Variants in NFIB observed in about 807,000 individuals in gnomAD.
The protein encoded by NFIB is nuclear factor I B, also known as nuclear factor 1 B-type.
A neutral mutation model predicts 61.5 loss-of-function variants in NFIB; 11 were observed. The ratio of observed to expected loss-of-function variants is 0.18; its 90% CI spans 0.11 to 0.30. The LOEUF is 0.30. NFIB is among the 10% of genes least tolerant of loss of function. The pLI is 1.00. For missense variants in NFIB, 471 were observed against 608.9 expected, an observed-to-expected ratio of 0.77 and a Z score of 2.38; for synonymous variants, 260 against 216.5, an observed-to-expected ratio of 1.20 and a Z score of -1.76.
At chr9:14,465,138 G>T in the NFIB span, among the ~76,000 whole-genome samples, 1 of 152,144 alleles carries the variant, frequency 6.6e-6, no homozygotes, top group African/African-American at 2.4e-5. Context: ...GACCATGCAA[G>T]ATTTGCTCTC....
At chr9:14,323,931 G>C (rs1315017250) in intron 1 of NFIB, among the ~76,000 whole-genome samples, 1 of 152,160 alleles carries the variant, frequency 6.6e-6, no homozygotes, top group Admixed American at 6.5e-5. Context: ...AAGTGGGATT[G>C]GCCCAATTAG....
At chr9:14,323,475 TAAAAG>T (rs1194396500) in intron 1 of NFIB, among the ~76,000 whole-genome samples, 3 of 152,204 alleles carry the variant, frequency 2.0e-5, no homozygotes, top group African/African-American at 7.2e-5. Flanking sequence ...ATACAAGTAT[TAAAAG>T]TAAAAATATA....
At chr9:14,471,517 C>T in the NFIB span, among the ~76,000 whole-genome samples, 2 of 152,184 alleles carry the variant, frequency 1.3e-5, no homozygotes, top group African/African-American at 4.8e-5. Context: ...ATTTGTTTCC[C>T]AATAACCAAG....
At chr9:14,456,469 A>G in the NFIB span, among the ~76,000 whole-genome samples, 1 of 152,170 alleles carries the variant, frequency 6.6e-6, no homozygotes, top group African/African-American at 2.4e-5. Context: ...CTAATATCCA[A>G]AGAACTTCTA....
chr9:14,371,144 C>G (rs562290377), intron 1 of NFIB, among the ~76,000 whole-genome samples: 3 of 151,176 alleles, frequency 2.0e-5, no homozygotes, highest in African/African-American at 7.3e-5. Context: ...CAAACAAAAA[C>G]ACACACACAC....
the NFIB span, among the ~76,000 whole-genome samples, chr9:14,481,730 C>T: frequency 1.3e-5 from 2 of 152,068 alleles, no homozygotes; most frequent in African/African-American, 4.8e-5. Context: ...GAAAGTTAAA[C>T]CTGCTAACAT....
At chr9:14,165,056 G>T (rs761610419) in intron 3 of NFIB, among the ~76,000 whole-genome samples, 2 of 152,114 alleles carry the variant, frequency 1.3e-5, no homozygotes, top group Non-Finnish European at 1.5e-5. Context: ...AGCTTAATGA[G>T]ATCTGCAGGT....
intron 1 of NFIB, among the ~76,000 whole-genome samples, chr9:14,350,503 C>A (rs1268501843): frequency 7.1e-6 from 1 of 139,888 alleles, no homozygotes; most frequent in Admixed American, 7.1e-5. Flanking sequence ...GGGCGAAAGA[C>A]CTGGGTGGGG....
intron 2 of NFIB, among the ~76,000 whole-genome samples, chr9:14,283,050 T>C (rs2058483676): frequency 6.6e-6 from 1 of 152,224 alleles, no homozygotes; most frequent in African/African-American, 2.4e-5. Flanking sequence ...ACTATCATCT[T>C]AGAACTACTC....
chr9:14,246,916 G>C (rs2054996559), intron 2 of NFIB, among the ~76,000 whole-genome samples: 1 of 152,178 alleles, frequency 6.6e-6, no homozygotes, highest in Non-Finnish European at 1.5e-5. Context: ...TTGAAGGCCT[G>C]TTAAAACGGG....
intron 1 of NFIB, among the ~76,000 whole-genome samples, chr9:14,368,187 A>C (rs2061323429): frequency 6.6e-6 from 1 of 151,562 alleles, no homozygotes; most frequent in African/African-American, 2.4e-5. Flanking sequence ...GAGGGAAACA[A>C]GTGGCTGGAT....
At chr9:14,304,226 G>C (rs760978148) in intron 2 of NFIB, among the ~76,000 whole-genome samples, 2 of 152,198 alleles carry the variant, frequency 1.3e-5, no homozygotes, top group African/African-American at 4.8e-5. Context: ...AGGCTGCTGG[G>C]CATGAAGAAG....
intron 1 of NFIB, among the ~76,000 whole-genome samples, chr9:14,347,975 C>T (rs1000067801): frequency 6.6e-6 from 1 of 152,152 alleles, no homozygotes. Flanking sequence ...CGTGCGCTCG[C>T]GGTCCTTGGC....
chr9:14,135,482 A>G (rs912514030), intron 6 of NFIB, among the ~76,000 whole-genome samples: 1 of 152,226 alleles, frequency 6.6e-6, no homozygotes, highest in Admixed American at 6.5e-5. Flanking sequence ...TCTGTGTCTA[A>G]GGACTCCTCT....
chr9:14,140,767 C>G (rs979838546), intron 6 of NFIB, among the ~76,000 whole-genome samples: 6 of 152,088 alleles, frequency 3.9e-5, no homozygotes, highest in Non-Finnish European at 7.4e-5. Context: ...GACCCCAGCT[C>G]TACACAAAAT....
At chr9:14,455,862 T>C in the NFIB span, among the ~76,000 whole-genome samples, 1 of 152,096 alleles carries the variant, frequency 6.6e-6, no homozygotes, top group African/African-American at 2.4e-5. Context: ...TATTAAAACA[T>C]AGAATCTAAA....
At chr9:14,221,403 G>T (rs1239957859) in intron 2 of NFIB, among the ~76,000 whole-genome samples, 1 of 152,136 alleles carries the variant, frequency 6.6e-6, no homozygotes, top group African/African-American at 2.4e-5. Context: ...GTAATACGCA[G>T]CTAGATTTAA....
rs139866672 is a variant in NFIB at position 14,215,491 on chromosome 9, A to G, written c.563-35711T>C. ...ATGTGTAAAAAGATATATGGTCCTG[A>G]AAATCCTCGCTTATTCTAAATTTAA... On this transcript the variant is annotated intron_variant, in intron 2 of 10. Coordinates refer to ENST00000380953, the MANE Select transcript of NFIB (RefSeq NM_001190737.2). Among the ~76,000 whole-genome samples, 648 of 152,328 alleles carry G rather than the reference A, an allele frequency of 4.3e-3. 8 individuals carry two copies. Among genetic ancestry groups the G allele is most frequent in the African/African-American group, 0.015 (622 of 41,574 alleles).
intron 2 of NFIB, chr9:14,300,266 A>G (rs2059679527): frequency 2.5e-6 from 1 of 398,360 alleles, no homozygotes; most frequent in African/African-American, 2.1e-5. Flanking sequence ...TGCAGCCGTA[A>G]TAACTCAAGT....
Sources: allele counts gnomAD v4.1 joint callset (sites outside exome capture counted in the v4.1 genomes callset), GRCh38; gene constraint gnomAD v4.1.1; transcripts MANE v1.5; gene names NCBI Gene and HGNC (gene_info 2026-07-23, HGNC 2026-07-21).